Variants in TXK observed in about 807,000 individuals in gnomAD.
The protein encoded by TXK is tyrosine-protein kinase TXK.
In TXK, 60 loss-of-function variants were observed where a neutral mutation model predicts 81.0. That is an observed-to-expected ratio of 0.74 (90% CI 0.60 to 0.92). The LOEUF is 0.92. TXK is among the 40% of genes least tolerant of loss of function. The probability of loss-of-function intolerance (pLI) is 0.00; values close to 1 mark genes in which losing one functional copy is unlikely to be tolerated. For missense variants in TXK, 581 were observed against 638.3 expected (o/e 0.91, Z 0.97); for synonymous variants, 203 against 210.7 (o/e 0.96, Z 0.32).
Position 48,095,196 on chromosome 4 carries a change from T to C in TXK, c.528A>G (p.Arg176=), listed in dbSNP as rs1717936249. Residue 176 remains arginine, a synonymous_variant, in exon 7 of 15, where the codon AGA becomes AGG. Coordinates refer to ENST00000264316, the MANE Select transcript of TXK (RefSeq NM_003328.3). The part of the protein sequence containing the change: ...QESKEGAFIV[R]DSRHLGSYTI... The stretch of plus-strand genomic sequence containing the variant: ...TGTAGGATCCTAAATGTCTTGAATC[T>C]CTGACAATAAATGCACCTTCTTTAG... The C allele has an allele frequency of 4.3e-6, 7 of 1,613,678 alleles. No individual in the cohort carries two copies. Among genetic ancestry groups the C allele is most frequent in the Non-Finnish European group, 5.9e-6 (7 of 1,179,764 alleles).
At chr4:48,107,899 T>TAA (rs57715867) in intron 5 of TXK, among the ~76,000 whole-genome samples, 280 of 128,756 alleles carry the variant, frequency 2.2e-3, no homozygotes, top group Middle Eastern at 7.8e-3. Context: ...TGTCTCTACT[T>TAA]AAAAAAAAAA....
chr4:48,081,018 T>C (rs1404815895), intron 10 of TXK, among the ~76,000 whole-genome samples: 1 of 151,998 alleles, frequency 6.6e-6, no homozygotes, highest in East Asian at 1.9e-4. Flanking sequence ...TTTGACTCAT[T>C]ACCATAAAAT....
chr4:48,128,860 C>T (rs1033139398), intron 1 of TXK, among the ~76,000 whole-genome samples: 1 of 152,034 alleles, frequency 6.6e-6, no homozygotes, highest in Non-Finnish European at 1.5e-5. Context: ...AGCCACCGCG[C>T]CCAGCCTATC....
At chr4:48,105,593 G>C (rs531318260) in intron 5 of TXK, among the ~76,000 whole-genome samples, 2 of 152,144 alleles carry the variant, frequency 1.3e-5, no homozygotes, top group East Asian at 3.9e-4. Context: ...TCACTATTTG[G>C]GTGATGGGTA....
chr4:48,107,880 G>A (rs946982582), intron 5 of TXK, among the ~76,000 whole-genome samples: 2 of 145,688 alleles, frequency 1.4e-5, no homozygotes, highest in Non-Finnish European at 3.0e-5. Flanking sequence ...GGCTAACACC[G>A]TGAAACTCTG....
At chr4:48,124,982 G>A (rs564911169) in intron 1 of TXK, among the ~76,000 whole-genome samples, 2 of 152,288 alleles carry the variant, frequency 1.3e-5, no homozygotes, top group East Asian at 3.9e-4. Context: ...AATAAAAGTT[G>A]TCTTCTAAGA....
chr4:48,082,127 A>G lies in TXK; in HGVS notation c.957-1999T>C, dbSNP rs530128311. Reference sequence around the variant, plus strand: ...AGTTTTGATTTCAATTAGAAGCTCTAACAATGTTTTGTTGTGGGACTACAG... The same window carrying G: ...AGTTTTGATTTCAATTAGAAGCTCTGACAATGTTTTGTTGTGGGACTACAG... On this transcript the variant is annotated intron_variant, in intron 10 of 14. Coordinates refer to ENST00000264316, the MANE Select transcript of TXK (RefSeq NM_003328.3). 1.2e-3 allele frequency among the ~76,000 whole-genome samples: 188 copies of G among 152,350 alleles called. 1 individual carries two copies. The highest frequency in any genetic ancestry group is 4.4e-3 in the African/African-American group (184 of 41,582).
chr4:48,120,287 A>G (rs1414912793), intron 1 of TXK, among the ~76,000 whole-genome samples: 1 of 149,150 alleles, frequency 6.7e-6, no homozygotes, highest in African/African-American at 2.5e-5. Flanking sequence ...GTATATATGT[A>G]TATATATGCA....
intron 11 of TXK, among the ~76,000 whole-genome samples, chr4:48,077,377 A>G (rs1371727082): frequency 6.6e-6 from 1 of 152,234 alleles, no homozygotes; most frequent in Non-Finnish European, 1.5e-5. Context: ...ACAAGTAACC[A>G]GTTTAGAAGA....
Position 48,066,835 on chromosome 4 carries a change from T to C in TXK, c.*802A>G, listed in dbSNP as rs1161374753. ...CTCCTCTTCTGGAAAGAACAAATCA[T>C]CTTCCTGAAAATTACAGGAGACACT... On this transcript the variant is annotated 3_prime_UTR_variant, in exon 15 of 15. Transcript: ENST00000264316. The C allele has an allele frequency of 2.0e-5, 3 of 152,200 alleles. No homozygotes were observed. The highest frequency in any genetic ancestry group is 1.3e-4 in the Admixed American group (2 of 15,278). 9.4% of individuals were successfully genotyped at this position (152,200 alleles called of 1,614,324 possible).
chr4:48,114,247 G>T, intron 2 of TXK, 101 bp downstream of exon 2: 1 of 1,216,262 alleles, frequency 8.2e-7, no homozygotes, highest in Non-Finnish European at 1.2e-6. Flanking sequence ...AGGTTCCCAG[G>T]TAGAGAGAAC....
intron 12 of TXK, among the ~76,000 whole-genome samples, chr4:48,075,581 T>C (rs1717034822): frequency 6.6e-6 from 1 of 151,694 alleles, no homozygotes. Flanking sequence ...GCCTGGGAGG[T>C]CGAGGCTGCA....
intron 1 of TXK, among the ~76,000 whole-genome samples, chr4:48,116,403 G>A (rs1471180039): frequency 6.6e-6 from 1 of 152,110 alleles, no homozygotes; most frequent in African/African-American, 2.4e-5. Flanking sequence ...TATCAGTCAG[G>A]ATCCCAACAA....
chr4:48,094,653 C>T (rs578125878), intron 7 of TXK, among the ~76,000 whole-genome samples: 1 of 152,264 alleles, frequency 6.6e-6, no homozygotes, highest in South Asian at 2.1e-4. Flanking sequence ...GGGGAACACA[C>T]CTCACAATTG....
chr4:48,104,782 G>A (rs1718397804), intron 6 of TXK, 119 bp downstream of exon 6: 1 of 702,574 alleles, frequency 1.4e-6, no homozygotes, highest in East Asian at 3.0e-5. Flanking sequence ...TATATAGTTG[G>A]GATGTAATGA....
chr4:48,074,976 G>A (rs563185916), intron 12 of TXK, among the ~76,000 whole-genome samples: 1 of 152,142 alleles, frequency 6.6e-6, no homozygotes, highest in African/African-American at 2.4e-5. Context: ...CTTGGAAAAT[G>A]GGCCATGAAC....
At chr4:48,121,410 T>A (rs972685659) in intron 1 of TXK, among the ~76,000 whole-genome samples, 49 of 152,246 alleles carry the variant, frequency 3.2e-4, no homozygotes, top group African/African-American at 9.4e-4. Flanking sequence ...TCTCTCTCTC[T>A]CACACACAGG....
intron 11 of TXK, among the ~76,000 whole-genome samples, chr4:48,077,073 A>G (rs1717099567): frequency 6.6e-6 from 1 of 152,214 alleles, no homozygotes; most frequent in Non-Finnish European, 1.5e-5. Context: ...GGGATCTCTA[A>G]TACGTAATAA....
At chr4:48,081,928 C>T (rs142125555) in intron 10 of TXK, among the ~76,000 whole-genome samples, 24 of 152,256 alleles carry the variant, frequency 1.6e-4, no homozygotes, top group South Asian at 4.1e-4. Context: ...TGGTTTCTTC[C>T]GACTACCTGC....
Sources: allele counts gnomAD v4.1 joint callset (sites outside exome capture counted in the v4.1 genomes callset), GRCh38; gene constraint gnomAD v4.1.1; transcripts MANE v1.5; gene names NCBI Gene and HGNC (gene_info 2026-07-23, HGNC 2026-07-21).